Variants in GPRC6A observed in about 807,000 individuals in gnomAD.
GPRC6A encodes G protein-coupled receptor family C group 6 member A.
Under a neutral mutation model 47.0 loss-of-function variants are expected in GPRC6A, and 54 were observed. That is an observed-to-expected ratio of 1.15 (90% CI 0.92 to 1.44). The LOEUF (loss-of-function observed/expected upper bound fraction) is 1.44. Ranked by LOEUF, GPRC6A falls within the 40% of genes most tolerant of loss-of-function variation. The pLI is 0.00. For synonymous variants in GPRC6A, 347 were observed against 377.1 expected (o/e 0.92, Z 0.93); for missense variants, 1,112 against 1,105.5 (o/e 1.01, Z -0.08).
At chr6:116,820,373 T>C (rs998109042) in intron 1 of GPRC6A, among the ~76,000 whole-genome samples, 7 of 151,938 alleles carry the variant, frequency 4.6e-5, no homozygotes, top group South Asian at 2.1e-4. Flanking sequence ...CCAGCATCAT[T>C]CTGATACCAA....
At chr6:116,799,445 A>G (rs1241978461) in intron 4 of GPRC6A, among the ~76,000 whole-genome samples, 1 of 152,188 alleles carries the variant, frequency 6.6e-6, no homozygotes, top group African/African-American at 2.4e-5. Flanking sequence ...CAGGAAGAAA[A>G]TCAAGGAAAT....
At chr6:116,826,432 A>G (rs935665697) in intron 1 of GPRC6A, among the ~76,000 whole-genome samples, 4 of 152,074 alleles carry the variant, frequency 2.6e-5, no homozygotes, top group African/African-American at 9.7e-5. Context: ...TATATAAAAA[A>G]TGCTCAGCAT....
intron 1 of GPRC6A, among the ~76,000 whole-genome samples, chr6:116,811,583 G>A (rs578146910): frequency 6.6e-6 from 1 of 152,082 alleles, no homozygotes; most frequent in East Asian, 1.9e-4. Flanking sequence ...TGAGATACAA[G>A]ATAATTCTGA....
intron 3 of GPRC6A, among the ~76,000 whole-genome samples, chr6:116,805,751 T>C (rs148177780): frequency 8.7e-4 from 133 of 152,218 alleles, no homozygotes; most frequent in African/African-American, 3.0e-3. Flanking sequence ...AATATCATAA[T>C]TGACCTAACA....
At position 116,822,055 on chromosome 6, in the gene GPRC6A, T is replaced by C. The variant is rs1002874982; in HGVS notation, c.194+6765A>G. On this transcript the variant is annotated intron_variant, in intron 1 of 5. Coordinates refer to ENST00000310357, the MANE Select transcript of GPRC6A (RefSeq NM_148963.4). ...CCCATCAAAAAGTGGGTGAAGGACATGAACAGACACTTCTCAAAAGAAGAC... is the reference window on the plus strand; with the variant it reads ...CCCATCAAAAAGTGGGTGAAGGACACGAACAGACACTTCTCAAAAGAAGAC... Among the ~76,000 whole-genome samples the C allele has an allele frequency of 2.7e-4, 39 of 145,548 alleles. 1 individual carries two copies. The highest frequency in any genetic ancestry group is 1.0e-3 in the African/African-American group (38 of 37,860).
intron 1 of GPRC6A, 114 bp downstream of exon 1, chr6:116,828,706 T>G: frequency 1.1e-6 from 1 of 870,880 alleles, no homozygotes; most frequent in Non-Finnish European, 1.7e-6. Flanking sequence ...AACTTAAAAA[T>G]ACATATGAGT....
At chr6:116,801,074 C>T (rs1340019916) in intron 3 of GPRC6A, among the ~76,000 whole-genome samples, 1 of 152,124 alleles carries the variant, frequency 6.6e-6, no homozygotes, top group Non-Finnish European at 1.5e-5. Flanking sequence ...GTTTATCCTA[C>T]AGAATTTTAG....
At chr6:116,803,765 C>T (rs1172421013) in intron 3 of GPRC6A, among the ~76,000 whole-genome samples, 1 of 152,130 alleles carries the variant, frequency 6.6e-6, no homozygotes, top group Admixed American at 6.6e-5. Flanking sequence ...TTCTGGCTAA[C>T]TGCTACCCTT....
chr6:116,814,220 G>A (rs1773128043), intron 1 of GPRC6A, among the ~76,000 whole-genome samples: 1 of 152,130 alleles, frequency 6.6e-6, no homozygotes, highest in Non-Finnish European at 1.5e-5. Flanking sequence ...TCTAGAACTG[G>A]AATTATCATT....
intron 3 of GPRC6A, among the ~76,000 whole-genome samples, chr6:116,802,067 G>T (rs868485136): frequency 6.6e-6 from 1 of 152,210 alleles, no homozygotes; most frequent in South Asian, 2.1e-4. Flanking sequence ...TTCCACACAA[G>T]TGTTTGAACT....
Position 116,816,902 on chromosome 6 carries a change from A to C in GPRC6A, c.195-7285T>G, listed in dbSNP as rs369456084. ...GAGGGTCCTACGCCCACGGAATCTC[A>C]CTGATTGCTAGCACAGCAGTCTGAG... On this transcript the variant is annotated intron_variant, in intron 1 of 5. Transcript: ENST00000310357. Among the ~76,000 whole-genome samples the C allele has an allele frequency of 2.6e-5, 4 of 152,080 alleles. No individual in the cohort carries two copies. The South Asian group carries it at 8.3e-4, about 32-fold the overall frequency.
At chr6:116,827,379 G>A (rs534682433) in intron 1 of GPRC6A, among the ~76,000 whole-genome samples, 2 of 151,866 alleles carry the variant, frequency 1.3e-5, no homozygotes, top group Non-Finnish European at 2.9e-5. Flanking sequence ...AAAGGTAAAC[G>A]AATAGGTTGT....
intron 2 of GPRC6A, 37 bp from the exon 3 acceptor site, chr6:116,807,243 T>C (rs1339396752): frequency 6.3e-6 from 8 of 1,271,938 alleles, no homozygotes; most frequent in Non-Finnish European, 9.0e-6. Context: ...ATGGTGTTGA[T>C]GAACTCCAGG....
Position 116,806,794 on chromosome 6 carries a change from T to C in GPRC6A, c.911A>G (p.Asn304Ser). 6.2e-7 allele frequency: 1 copy of C among 1,613,650 alleles called. No homozygotes were observed. The highest frequency in any genetic ancestry group is 1.7e-4 in the Middle Eastern group (1 of 6,058). Residue 304 changes from asparagine to serine, a missense_variant, in exon 3 of 6, where the codon AAT (asparagine) becomes AGT (serine). By Grantham distance (46) the Asn-to-Ser change is conservative. Coordinates refer to ENST00000310357, the MANE Select transcript of GPRC6A (RefSeq NM_148963.4). ...NINKMWIASD[N>S]WSTATKITTI... ...GGTAATCTTGGTGGCAGTTGACCAA[T>C]TATCACTAGCAATCCACATCTTATT...
intron 1 of GPRC6A, among the ~76,000 whole-genome samples, chr6:116,817,964 A>G (rs1473693942): frequency 6.6e-6 from 1 of 152,024 alleles, no homozygotes; most frequent in Non-Finnish European, 1.5e-5. Flanking sequence ...TCTGCAGGAT[A>G]TTATCCAGGA....
chr6:116,792,691 A>C lies in GPRC6A; in HGVS notation c.2232T>G (p.Cys744Trp), dbSNP rs1205566137. The C allele has an allele frequency of 1.9e-6, 3 of 1,613,086 alleles. No homozygotes were observed. Among genetic ancestry groups the C allele is most frequent in the Non-Finnish European group, 2.5e-6 (3 of 1,179,322 alleles). ...VSLPRVIILE[C>W]EEGSILAFGT... ...CAAATGCAAGTATGGATCCCTCCTC[A>C]CACTCCAGGATGATGACTCTGGGCA... Residue 744 changes from cysteine (C) to tryptophan (W), a missense_variant, in exon 6 of 6, where the codon TGT becomes TGG. By Grantham distance (215) the Cys-to-Trp change is radical. Coordinates refer to ENST00000310357, the MANE Select transcript of GPRC6A (RefSeq NM_148963.4).
At chr6:116,796,993 A>G (rs923135886) in intron 4 of GPRC6A, among the ~76,000 whole-genome samples, 1 of 152,150 alleles carries the variant, frequency 6.6e-6, no homozygotes, top group African/African-American at 2.4e-5. Context: ...CTAACTCGTC[A>G]TCTAGCATTA....
intron 3 of GPRC6A, among the ~76,000 whole-genome samples, chr6:116,803,351 A>T (rs1383130851): frequency 6.6e-6 from 1 of 152,042 alleles, no homozygotes; most frequent in East Asian, 1.9e-4. Context: ...GGATGGAAAA[A>T]ATATCATATC....
chr6:116,808,182 A>C (rs1366128346), intron 2 of GPRC6A, among the ~76,000 whole-genome samples: 1 of 152,132 alleles, frequency 6.6e-6, no homozygotes, highest in Non-Finnish European at 1.5e-5. Flanking sequence ...AGATGCGAGC[A>C]CATGGTGGAC....
Sources: allele counts gnomAD v4.1 joint callset (sites outside exome capture counted in the v4.1 genomes callset), GRCh38; gene constraint gnomAD v4.1.1; transcripts MANE v1.5; gene names NCBI Gene and HGNC (gene_info 2026-07-23, HGNC 2026-07-21).